Variants in LPP observed in about 807,000 individuals in gnomAD.
LPP encodes lipoma-preferred partner.
Under a neutral mutation model 60.4 loss-of-function variants are expected in LPP, and 38 were observed. The observed-to-expected ratio is 0.63, with a 90% CI of 0.49 to 0.83. The LOEUF (loss-of-function observed/expected upper bound fraction) is 0.83. LPP is among the 40% of genes least tolerant of loss of function. The pLI, the probability that LPP is intolerant of heterozygous loss-of-function variation, is 0.00. For synonymous variants in LPP, 328 were observed against 290.8 expected, an observed-to-expected ratio of 1.13 and a Z score of -1.30; for missense variants, 902 against 783.6, an observed-to-expected ratio of 1.15 and a Z score of -1.80.
chr3:188,648,008 C>T (rs1245103163), intron 7 of LPP, among the ~76,000 whole-genome samples: 2 of 152,154 alleles, frequency 1.3e-5, no homozygotes, highest in African/African-American at 2.4e-5. Flanking sequence ...ACCTTTTTCA[C>T]TCTGCTTGTT....
chr3:188,166,960 A>G (rs541542958), intron 1 of LPP, among the ~76,000 whole-genome samples: 55 of 152,320 alleles, frequency 3.6e-4, no homozygotes, highest in African/African-American at 2.4e-5. Context: ...TAGAGGTTAC[A>G]GTTTTTGTGT....
chr3:188,752,494 C>G (rs897014853), intron 8 of LPP, among the ~76,000 whole-genome samples: 1 of 152,154 alleles, frequency 6.6e-6, no homozygotes, highest in Non-Finnish European at 1.5e-5. Context: ...CTCGAAAATG[C>G]AAAACAGGGT....
chr3:188,456,814 G>C (rs1797842976), intron 4 of LPP, among the ~76,000 whole-genome samples: 1 of 152,192 alleles, frequency 6.6e-6, no homozygotes, highest in African/African-American at 2.4e-5. Flanking sequence ...TGCGTGGAGT[G>C]ACAGGATAAT....
Position 188,258,308 on chromosome 3 carries a change from A to G in LPP, c.-67+32781A>G, listed in dbSNP as rs367726744. 9.2e-5 allele frequency among the ~76,000 whole-genome samples: 14 copies of G among 152,316 alleles called. No homozygotes were observed. The East Asian group carries it at 9.6e-4, about 10-fold the overall frequency. The stretch of plus-strand genomic sequence containing the variant: ...CTTTCAACACTGGCTGCGCATTAAA[A>G]TCACTTGGGGAGGTTTTGTTTTGTT... On this transcript the variant is annotated intron_variant, in intron 2 of 11. Transcript: ENST00000617246.
chr3:188,792,640 C>T (rs529610217), intron 9 of LPP, among the ~76,000 whole-genome samples: 39 of 152,146 alleles, frequency 2.6e-4, no homozygotes, highest in Non-Finnish European at 4.9e-4. Flanking sequence ...GTAAACAAAC[C>T]TGGTTGATTG....
chr3:188,487,540 A>G (rs958996604), intron 5 of LPP, among the ~76,000 whole-genome samples: 7 of 152,256 alleles, frequency 4.6e-5, no homozygotes, highest in African/African-American at 1.7e-4. Context: ...ACGGTTTGCC[A>G]AATGGAAAAG....
chr3:188,754,615 G>T (rs184135640), intron 8 of LPP, among the ~76,000 whole-genome samples: 1 of 152,088 alleles, frequency 6.6e-6, no homozygotes, highest in East Asian at 1.9e-4. Flanking sequence ...CCCACCTCCA[G>T]ACCAATGAAA....
At chr3:188,516,143 G>A (rs1817299492) in intron 5 of LPP, among the ~76,000 whole-genome samples, 1 of 152,140 alleles carries the variant, frequency 6.6e-6, no homozygotes. Context: ...CTCCTCCCCT[G>A]GAGAAGGGTA....
At chr3:188,713,231 A>C (rs1357271250) in intron 8 of LPP, among the ~76,000 whole-genome samples, 1 of 152,174 alleles carries the variant, frequency 6.6e-6, no homozygotes, top group Non-Finnish European at 1.5e-5. Flanking sequence ...CTATCCAACC[A>C]TGAGGAAGTA....
At chr3:188,232,553 C>T (rs1045700391) in intron 2 of LPP, among the ~76,000 whole-genome samples, 56 of 146,008 alleles carry the variant, frequency 3.8e-4, no homozygotes, top group African/African-American at 1.3e-3. Context: ...GAGGTTTCAC[C>T]ATGTTGGTTA....
chr3:188,281,854 A>G (rs1200955008), intron 2 of LPP, among the ~76,000 whole-genome samples: 1 of 152,170 alleles, frequency 6.6e-6, no homozygotes, highest in East Asian at 1.9e-4. Context: ...TAAAATTTAA[A>G]TTCTTTGTTC....
chr3:188,232,331 T>C (rs1003685217), intron 2 of LPP, among the ~76,000 whole-genome samples: 1 of 151,680 alleles, frequency 6.6e-6, no homozygotes, highest in South Asian at 2.1e-4. Context: ...CTCTCAGCAA[T>C]TTTTTTTAAT....
Position 188,218,775 on chromosome 3 carries a change from A to G in LPP, c.-189-6630A>G, listed in dbSNP as rs77024714. Among the ~76,000 whole-genome samples the G allele has an allele frequency of 1.5e-3, 230 of 152,342 alleles. 9 individuals are homozygous for G. In the East Asian group the frequency reaches 0.043, roughly 29 times the overall value. On this transcript the variant is annotated intron_variant, in intron 1 of 11. Coordinates refer to ENST00000617246, the MANE Select transcript of LPP (RefSeq NM_001375462.1). Reference sequence around the variant, plus strand: ...ATTACAGCACAGTGAGATAAGTGCTATAATAGGGGGATATATAAAGAGCCA... The same window carrying G: ...ATTACAGCACAGTGAGATAAGTGCTGTAATAGGGGGATATATAAAGAGCCA...
chr3:188,874,500 G>T lies in LPP; in HGVS notation c.*21G>T, dbSNP rs377065168. ...TTTAGATTCAGTCACCTGTTCAGCC[G>T]GCACTGAGAAGAACGAACACAAGAA... On this transcript the variant is annotated 3_prime_UTR_variant, in exon 12 of 12. Transcript: ENST00000617246. 2 of 1,608,806 alleles carry T rather than the reference G, an allele frequency of 1.2e-6. No individual in the cohort carries two copies. Among genetic ancestry groups the T allele is most frequent in the African/African-American group, 2.7e-5 (2 of 74,842 alleles).
intron 2 of LPP, among the ~76,000 whole-genome samples, chr3:188,266,431 C>T (rs1253024200): frequency 6.6e-6 from 1 of 151,512 alleles, no homozygotes; most frequent in Non-Finnish European, 1.5e-5. Context: ...GGATACACAG[C>T]AAACTGCTCA....
intron 5 of LPP, among the ~76,000 whole-genome samples, chr3:188,522,784 A>AATATATATATATATAT (rs61033243): frequency 2.9e-3 from 364 of 125,198 alleles, no homozygotes; most frequent in Middle Eastern, 0.012. Context: ...GATAATATGA[A>AATATATATATATATAT]ATATATATAT....
intron 6 of LPP, among the ~76,000 whole-genome samples, chr3:188,559,645 T>C (rs771013620): frequency 6.6e-6 from 1 of 152,032 alleles, no homozygotes; most frequent in Non-Finnish European, 1.5e-5. Flanking sequence ...TGTTAGCCCC[T>C]CTGTCCGAGT....
At position 188,609,119 on chromosome 3, in the gene LPP, A is replaced by AT. The variant is rs1408256694; in HGVS notation, c.430-37dup. 50 of 1,422,002 alleles carry AT rather than the reference A, an allele frequency of 3.5e-5. No individual in the cohort carries two copies. The highest frequency in any genetic ancestry group is 4.5e-5 in the Non-Finnish European group (47 of 1,040,840). 88.1% of individuals were successfully genotyped at this position (1,422,002 alleles called of 1,614,324 possible). A position where few individuals can be genotyped will look rare whatever the true frequency, so the allele number is the denominator to read the frequency against. Reference sequence around the variant, plus strand: ...TTTTTATTGAGTTTCGTTGGCAGTAATTTTTGCTTTCTTTCTTTCTTTTTT... The same window carrying AT: ...TTTTTATTGAGTTTCGTTGGCAGTAATTTTTTGCTTTCTTTCTTTCTTTTTT... On this transcript the variant is annotated intron_variant, in intron 6 of 11. Transcript: ENST00000617246. The surrounding 1 kb of genome is among the most constrained non-coding windows in gnomAD (Gnocchi z 6.9).
At chr3:188,256,723 T>C (rs1731796541) in intron 2 of LPP, among the ~76,000 whole-genome samples, 1 of 152,194 alleles carries the variant, frequency 6.6e-6, no homozygotes, top group Non-Finnish European at 1.5e-5. Context: ...TCACAAAAAT[T>C]CAGACGATGA....
Sources: gnomAD v4.1 joint callset for allele counts (sites outside exome capture counted in the v4.1 genomes callset) on GRCh38, gnomAD v4.1.1 for gene constraint, Gnocchi (gnomAD v3.1) non-coding constraint, MANE v1.5 for transcripts, NCBI Gene and HGNC (gene_info 2026-07-23, HGNC 2026-07-21) for gene names.